Variants in PCDH7 observed in about 807,000 individuals in gnomAD.
PCDH7 encodes protocadherin 7.
A neutral mutation model predicts 58.9 loss-of-function variants in PCDH7; 17 were observed. The observed-to-expected ratio is 0.29, with a 90% CI of 0.20 to 0.43. The LOEUF (loss-of-function observed/expected upper bound fraction) is 0.43. PCDH7 is among the 20% of genes least tolerant of loss of function. PCDH7 has a pLI of 1.00. For synonymous variants in PCDH7, 664 were observed against 616.4 expected, an observed-to-expected ratio of 1.08 and a Z score of -1.14; for missense variants, 1,274 against 1,441.0, an observed-to-expected ratio of 0.88 and a Z score of 1.88.
chr4:30,894,462 G>A (rs1304081729), intron 1 of PCDH7, among the ~76,000 whole-genome samples: 2 of 10,694 alleles, frequency 1.9e-4, no homozygotes, highest in African/African-American at 6.7e-4. Context: ...GTTTCATTCA[G>A]GAAAAAAAAA....
At chr4:30,734,013 C>A (rs1322794429), downstream of PCDH7, among the ~76,000 whole-genome samples, 3 of 151,948 alleles carry the variant, frequency 2.0e-5, no homozygotes, top group Non-Finnish European at 1.5e-5. Context: ...AAAAACAAAA[C>A]CCTCAAGAAT....
intron 3 of PCDH7, among the ~76,000 whole-genome samples, chr4:30,983,523 A>G (rs1380812497): frequency 6.6e-6 from 1 of 152,228 alleles, no homozygotes; most frequent in Non-Finnish European, 1.5e-5. Flanking sequence ...AGCTATTTCA[A>G]ATTCAGAAAA....
chr4:30,735,882 C>T (rs1345337450), downstream of PCDH7, among the ~76,000 whole-genome samples: 1 of 152,130 alleles, frequency 6.6e-6, no homozygotes, highest in Non-Finnish European at 1.5e-5. Context: ...AGTAGGAAAC[C>T]ACTTCTTCCT....
At chr4:31,090,248 A>C (rs1713059395) in intron 3 of PCDH7, among the ~76,000 whole-genome samples, 1 of 152,024 alleles carries the variant, frequency 6.6e-6, no homozygotes, top group South Asian at 2.1e-4. Context: ...ATGAAAAAAA[A>C]GGAATTCTTT....
intron 1 of PCDH7, among the ~76,000 whole-genome samples, chr4:30,855,489 G>T (rs1297018803): frequency 6.6e-6 from 1 of 152,118 alleles, no homozygotes; most frequent in African/African-American, 2.4e-5. Context: ...TTCCTGATGA[G>T]AAATCACTTT....
chr4:30,936,683 A>C lies in PCDH7; in HGVS notation c.288-13437A>C, dbSNP rs181808649. On this transcript the variant is annotated intron_variant, in intron 2 of 3. Coordinates refer to the PCDH7 transcript ENST00000509759. The stretch of plus-strand genomic sequence containing the variant: ...AATATTTATGTTATCATCAAGAACC[A>C]CTGTAAATTGTAGCTTTGATGTTGG... Among the ~76,000 whole-genome samples, 54 of 152,116 alleles carry C rather than the reference A, an allele frequency of 3.5e-4. No homozygotes were observed. The East Asian group carries it at 9.9e-3, about 28-fold the overall frequency.
In PCDH7 at chr4:30,722,260, G is replaced by A; in HGVS notation, c.838G>A (p.Val280Met). Reference sequence around the variant, plus strand: ...CGACTCCTACGAGCTGACCCTGCGAGTGCGCGACGGCGGCGACCCGCCTCG... The same window carrying A: ...CGACTCCTACGAGCTGACCCTGCGAATGCGCGACGGCGGCGACCCGCCTCG... The change falls in exon 1 of 2, where the codon GTG becomes ATG. Residue 280 changes from valine (V) to methionine (M), a missense_variant. Around this residue, in one of 3 missense-constraint regions of PCDH7, gnomAD observed 331 missense variants for 303.2 expected, o/e 1.09. Coordinates refer to ENST00000361762, the Ensembl canonical transcript of PCDH7. The surrounding 1 kb of genome is among the most constrained non-coding windows in gnomAD (Gnocchi z 7.6). The A allele has an allele frequency of 1.9e-6, 3 of 1,596,334 alleles. No homozygotes were observed. The highest frequency in any genetic ancestry group is 2.6e-6 in the Non-Finnish European group (3 of 1,172,608).
At chr4:31,123,474 A>T (rs946145110) in intron 3 of PCDH7, among the ~76,000 whole-genome samples, 1 of 152,158 alleles carries the variant, frequency 6.6e-6, no homozygotes, top group Non-Finnish European at 1.5e-5. Flanking sequence ...GAGGAAAAGC[A>T]TGCAGGTAAC....
At chr4:30,779,630 A>T (rs997395138) in intron 1 of PCDH7, among the ~76,000 whole-genome samples, 12 of 152,206 alleles carry the variant, frequency 7.9e-5, no homozygotes, top group Admixed American at 1.3e-4. Context: ...TATTTTTCAT[A>T]AAGAGGAAAC....
rs1203232 is a variant in PCDH7 at position 30,721,437 on chromosome 4, G to A, written c.15G>A (p.Arg5=). 3 of 1,523,752 alleles carry A rather than the reference G, an allele frequency of 2.0e-6. No homozygotes were observed. The highest frequency in any genetic ancestry group is 1.4e-5 in the African/African-American group (1 of 73,260). The allele number at this position is 1,523,752 out of a possible 1,614,324, so 94.4% of individuals were successfully genotyped here. A position where few individuals can be genotyped will look rare whatever the true frequency, so the allele number is the denominator to read the frequency against. The change falls in exon 1 of 2, where the codon CGG becomes CGA. Residue 5 remains arginine (R), a synonymous_variant. Transcript: ENST00000361762. This position sits in a 1 kb window ranked among gnomAD's most constrained non-coding sequence, Gnocchi z 6.7. Reference sequence around the variant, plus strand: ...AGCAGGAGAAGATGCTGAGGATGCGGACCGCGGGATGGGCGCGCGGCTGGT... The same window carrying A: ...AGCAGGAGAAGATGCTGAGGATGCGAACCGCGGGATGGGCGCGCGGCTGGT...
intron 1 of PCDH7, among the ~76,000 whole-genome samples, chr4:30,726,259 G>A (rs1714596161): frequency 3.3e-5 from 5 of 151,990 alleles, no homozygotes; most frequent in African/African-American, 1.2e-4. Context: ...CTAGAAAATA[G>A]TAACACCTAA....
chr4:31,070,742 TA>T (rs1464438147), intron 3 of PCDH7, among the ~76,000 whole-genome samples: 1 of 152,068 alleles, frequency 6.6e-6, no homozygotes, highest in Non-Finnish European at 1.5e-5. Flanking sequence ...ACAACATTCA[TA>T]AAAACAATCA....
chr4:31,066,750 A>G (rs531829907), intron 3 of PCDH7, among the ~76,000 whole-genome samples: 3 of 152,062 alleles, frequency 2.0e-5, no homozygotes, highest in South Asian at 2.1e-4. Context: ...ACATATGGAG[A>G]GTACCATCTG....
chr4:30,725,373 T>A, intron 1 of PCDH7: 2 of 735,740 alleles, frequency 2.7e-6, no homozygotes. Flanking sequence ...ATGATTGATG[T>A]ACTGTGTGCA....
intron 3 of PCDH7, among the ~76,000 whole-genome samples, chr4:31,094,291 A>C (rs931176179): frequency 6.6e-6 from 1 of 152,104 alleles, no homozygotes; most frequent in African/African-American, 2.4e-5. Flanking sequence ...TCTAGAACAG[A>C]AACATTCCAG....
chr4:30,899,052 G>A (rs1739846900), intron 1 of PCDH7, among the ~76,000 whole-genome samples: 1 of 152,146 alleles, frequency 6.6e-6, no homozygotes, highest in South Asian at 2.1e-4. Context: ...ACTTTATGAA[G>A]TAATGGACAA....
chr4:30,783,207 A>T lies in PCDH7; in HGVS notation c.70+58611A>T, dbSNP rs370337346. On this transcript the variant is annotated intron_variant, in intron 1 of 3. Transcript: ENST00000509759. ...TAGTATTAAAAAAGAAAAAAAACCA[A>T]TAAACTTTTCAATGTTAATAATAAC... 1.2e-4 allele frequency: 18 copies of T among 152,306 alleles called. No homozygotes were observed. The East Asian group carries it at 2.9e-3, about 24-fold the overall frequency. 9.4% of individuals were successfully genotyped at this position (152,306 alleles called of 1,614,324 possible). A position where few individuals can be genotyped will look rare whatever the true frequency, so the allele number is the denominator to read the frequency against.
rs545833065 is a variant in PCDH7, at chr4:30,793,250, A to G, written c.70+68654A>G. Among the ~76,000 whole-genome samples the G allele has an allele frequency of 4.5e-4, 68 of 152,318 alleles. 2 individuals carry two copies. The South Asian group carries it at 8.7e-3, about 19-fold the overall frequency. ...AAACACAGAATCTTTTTATCTTTCAATAGCCCACTTTAATACTAGGAAGAA... is the reference window on the plus strand; with the variant it reads ...AAACACAGAATCTTTTTATCTTTCAGTAGCCCACTTTAATACTAGGAAGAA... On this transcript the variant is annotated intron_variant, in intron 1 of 3. Transcript: ENST00000509759.
At chr4:30,934,502 TAG>T (rs1460572368) in intron 2 of PCDH7, among the ~76,000 whole-genome samples, 5 of 152,142 alleles carry the variant, frequency 3.3e-5, no homozygotes, top group Admixed American at 2.6e-4. Context: ...GAAGGAGAAT[TAG>T]AGGACTCTTC....
Sources: gnomAD v4.1 joint callset for allele counts (sites outside exome capture counted in the v4.1 genomes callset) on GRCh38, gnomAD v4.1.1 for gene constraint, gnomAD v4.1.1 regional missense constraint, Gnocchi (gnomAD v3.1) non-coding constraint, MANE v1.5 for transcripts, NCBI Gene and HGNC (gene_info 2026-07-23, HGNC 2026-07-21) for gene names.